The following THSD7B variants were observed in gnomAD, a reference collection of about 807,000 sequenced individuals.
THSD7B encodes the protein thrombospondin type-1 domain-containing protein 7B.
In THSD7B, 138 loss-of-function variants were observed where a neutral mutation model predicts 213.6. The observed-to-expected ratio is 0.65, with a 90% CI of 0.56 to 0.74. The LOEUF (loss-of-function observed/expected upper bound fraction) is 0.74, where lower values mean the gene tolerates loss of function less well. Among genes scored for constraint, THSD7B ranks in the 30% least tolerant of loss-of-function variants. The pLI, the probability that THSD7B is intolerant of heterozygous loss-of-function variation, is 0.00. For synonymous variants in THSD7B, 742 were observed against 687.0 expected (o/e 1.08, Z -1.25); for missense variants, 1,931 against 1,991.5 (o/e 0.97, Z 0.58).
At chr2:137,569,668 T>G (rs1681313758) in intron 16 of THSD7B, among the ~76,000 whole-genome samples, 1 of 152,160 alleles carries the variant, frequency 6.6e-6, no homozygotes, top group African/African-American at 2.4e-5. Context: ...GTGTTTCCCT[T>G]TGAAGGTTTA....
At chr2:136,790,092 G>A (rs1681935052) in intron 1 of THSD7B, among the ~76,000 whole-genome samples, 1 of 150,750 alleles carries the variant, frequency 6.6e-6, no homozygotes, top group Non-Finnish European at 1.5e-5. Flanking sequence ...CTAGTGCTTG[G>A]GAATCTTTCC....
chr2:136,919,462 A>G (rs1684399160), intron 2 of THSD7B, among the ~76,000 whole-genome samples: 1 of 152,202 alleles, frequency 6.6e-6, no homozygotes, highest in Non-Finnish European at 1.5e-5. Flanking sequence ...GCTCTTTATA[A>G]TGCCAGTTGC....
chr2:136,781,416 C>T (rs1286475289), intron 1 of THSD7B, among the ~76,000 whole-genome samples: 1 of 151,480 alleles, frequency 6.6e-6, no homozygotes, highest in Non-Finnish European at 1.5e-5. Flanking sequence ...AGGTGCACAC[C>T]ACCATGCCCG....
At chr2:137,559,595 TA>T (rs1345714682) in intron 15 of THSD7B, among the ~76,000 whole-genome samples, 5 of 152,152 alleles carry the variant, frequency 3.3e-5, no homozygotes, top group Non-Finnish European at 7.4e-5. Context: ...ATGTTAGACC[TA>T]AAACCATGAA....
At chr2:136,918,868 A>G (rs555013) in intron 2 of THSD7B, among the ~76,000 whole-genome samples, 62,436 of 152,030 alleles carry the variant, frequency 0.41, 14,954 homozygotes, top group Non-Finnish European at 0.55. Flanking sequence ...TTCTCTCTCT[A>G]TATCGTACCA....
chr2:137,179,564 T>G (rs1680416115), intron 7 of THSD7B, among the ~76,000 whole-genome samples: 1 of 151,340 alleles, frequency 6.6e-6, no homozygotes, highest in Non-Finnish European at 1.5e-5. Flanking sequence ...TCAGGAAATA[T>G]AGTGGGGAAA....
intron 1 of THSD7B, among the ~76,000 whole-genome samples, chr2:136,870,340 A>G (rs1262133309): frequency 6.6e-6 from 1 of 152,210 alleles, no homozygotes; most frequent in Non-Finnish European, 1.5e-5. Context: ...CCTCGAAAAA[A>G]TTATTTAAAA....
chr2:137,625,654 G>C (rs900791953), intron 20 of THSD7B, among the ~76,000 whole-genome samples: 3 of 152,174 alleles, frequency 2.0e-5, no homozygotes, highest in Non-Finnish European at 4.4e-5. Context: ...CCACCTCTAT[G>C]GCTTTGCTGA....
At chr2:137,667,176 A>G (rs920987963) in intron 26 of THSD7B, among the ~76,000 whole-genome samples, 5 of 152,194 alleles carry the variant, frequency 3.3e-5, no homozygotes, top group African/African-American at 9.6e-5. Context: ...TTAGCCCAAC[A>G]ATTGGCTGGA....
At chr2:136,992,868 T>C (rs760585992) in intron 2 of THSD7B, among the ~76,000 whole-genome samples, 5 of 152,202 alleles carry the variant, frequency 3.3e-5, no homozygotes, top group South Asian at 2.1e-4. Flanking sequence ...GCAATGTCTG[T>C]TAAAACATGT....
intron 5 of THSD7B, among the ~76,000 whole-genome samples, chr2:137,133,596 A>G (rs908020984): frequency 4.6e-5 from 7 of 152,106 alleles, no homozygotes; most frequent in Admixed American, 4.6e-4. Flanking sequence ...CTGTTGCTCC[A>G]TGGACCACAT....
intron 20 of THSD7B, among the ~76,000 whole-genome samples, chr2:137,620,932 A>G (rs1682508520): frequency 6.6e-6 from 1 of 152,216 alleles, no homozygotes; most frequent in African/African-American, 2.4e-5. Context: ...TAACAGTGGC[A>G]GACTCCAGAG....
rs547851603 is a variant in THSD7B, at chr2:137,032,501, C to T, written c.140-23919C>T. Among the ~76,000 whole-genome samples the T allele has an allele frequency of 9.1e-4, 139 of 152,324 alleles. 1 individual carries two copies. Among genetic ancestry groups the T allele is most frequent in the African/African-American group, 3.2e-3 (134 of 41,582 alleles). The stretch of plus-strand genomic sequence containing the variant: ...GGAACAGGCATCTCCAGCAGATGTT[C>T]ACCAACAAAACGGGGATAGCTTATT... On this transcript the variant is annotated intron_variant, in intron 2 of 27. Transcript: ENST00000409968.
chr2:137,639,119 G>A (rs772083239), intron 20 of THSD7B, among the ~76,000 whole-genome samples: 1 of 151,952 alleles, frequency 6.6e-6, no homozygotes, highest in Non-Finnish European at 1.5e-5. Flanking sequence ...TCCAGGGCAT[G>A]TCAGAGAACT....
intron 10 of THSD7B, among the ~76,000 whole-genome samples, chr2:137,248,800 C>T (rs1470182996): frequency 6.6e-6 from 1 of 152,190 alleles, no homozygotes; most frequent in Admixed American, 6.5e-5. Flanking sequence ...ACTTTAACAC[C>T]TTGTTCTTCC....
At chr2:137,606,249 A>G (rs57194282) in intron 17 of THSD7B, among the ~76,000 whole-genome samples, 1 of 152,158 alleles carries the variant, frequency 6.6e-6, no homozygotes, top group Non-Finnish European at 1.5e-5. Flanking sequence ...GAAAGAATAC[A>G]TCCTGTATGA....
At chr2:136,872,814 C>CAAAAAAAAAAAAAA (rs60759275) in intron 1 of THSD7B, among the ~76,000 whole-genome samples, 1 of 65,540 alleles carries the variant, frequency 1.5e-5, no homozygotes, top group African/African-American at 6.5e-5. Context: ...ACTGAAAATA[C>CAAAAAAAAAAAAAA]AAAAAAAAAA....
intron 5 of THSD7B, among the ~76,000 whole-genome samples, chr2:137,130,640 G>T (rs1315536729): frequency 6.7e-6 from 1 of 149,392 alleles, no homozygotes. Flanking sequence ...TTGGTTTTTT[G>T]TCCTTGAGAT....
intron 2 of THSD7B, among the ~76,000 whole-genome samples, chr2:136,931,731 A>T (rs751919878): frequency 6.6e-6 from 1 of 152,192 alleles, no homozygotes; most frequent in African/African-American, 2.4e-5. Flanking sequence ...ACAGTCCATG[A>T]TACATTCTAC....
Sources: gnomAD v4.1 joint callset for allele counts (sites outside exome capture counted in the v4.1 genomes callset) on GRCh38, gnomAD v4.1.1 for gene constraint, MANE v1.5 for transcripts, NCBI Gene and HGNC (gene_info 2026-07-23, HGNC 2026-07-21) for gene names.